RALGAPA1: variants seen among roughly 807,000 people sequenced by gnomAD.
The protein encoded by RALGAPA1 is ral GTPase-activating protein subunit alpha-1.
In RALGAPA1, 52 loss-of-function variants were observed where a neutral mutation model predicts 269.6. The ratio of observed to expected loss-of-function variants is 0.19; its 90% confidence interval spans 0.15 to 0.24. The LOEUF is 0.24. Ranked by LOEUF, RALGAPA1 falls within the 10% of genes least tolerant of loss-of-function variation. The pLI is 1.00. For synonymous variants in RALGAPA1, 817 were observed against 1,008.3 expected (o/e 0.81, Z 3.60); for missense variants, 1,917 against 3,013.9 (o/e 0.64, Z 8.52).
intron 13 of RALGAPA1, among the ~76,000 whole-genome samples, chr14:35,725,850 T>C (rs1018199408): frequency 6.6e-6 from 1 of 152,192 alleles, no homozygotes; most frequent in African/African-American, 2.4e-5. Context: ...CTATTGTTTC[T>C]TTCCACTCTT....
intron 37 of RALGAPA1, among the ~76,000 whole-genome samples, chr14:35,586,666 T>C (rs1443543573): frequency 6.6e-6 from 1 of 152,226 alleles, no homozygotes; most frequent in East Asian, 1.9e-4. Flanking sequence ...TGAAGAGCTG[T>C]TGAATTTTGT....
At chr14:35,773,190 G>A (rs575410896) in intron 3 of RALGAPA1, among the ~76,000 whole-genome samples, 1 of 152,204 alleles carries the variant, frequency 6.6e-6, no homozygotes, top group African/African-American at 2.4e-5. Context: ...AAAGATTAAA[G>A]AGATTACATG....
intron 12 of RALGAPA1, among the ~76,000 whole-genome samples, chr14:35,737,759 CAAAA>C (rs60152249): frequency 5.7e-5 from 1 of 17,418 alleles, no homozygotes; most frequent in Non-Finnish European, 9.3e-5. Context: ...AAATCCATCT[CAAAA>C]AAAAAAAAAA....
intron 24 of RALGAPA1, among the ~76,000 whole-genome samples, chr14:35,673,649 C>T (rs1413607353): frequency 6.6e-6 from 1 of 152,156 alleles, no homozygotes; most frequent in Non-Finnish European, 1.5e-5. Context: ...GGCGCCATCT[C>T]AGCTCACTGC....
At chr14:35,738,419 T>A in intron 12 of RALGAPA1, 94 bp downstream of exon 12, 1 of 870,908 alleles carries the variant, frequency 1.1e-6, no homozygotes, top group Non-Finnish European at 1.6e-6. Context: ...GTGGTGAATT[T>A]ATTATATTGT....
At chr14:35,720,115 T>C (rs1595307138) in intron 16 of RALGAPA1, among the ~76,000 whole-genome samples, 1 of 152,340 alleles carries the variant, frequency 6.6e-6, no homozygotes, top group Admixed American at 6.5e-5. Context: ...AAGGAAGGCA[T>C]TTCAAATATA....
At chr14:35,674,819 AG>A (rs151016274) in intron 22 of RALGAPA1, 110 bp from the exon 23 acceptor site, 10,470 of 564,558 alleles carry the variant, frequency 0.019, 505 homozygotes, top group South Asian at 0.13. Context: ...AATGAATAAA[AG>A]AAATGTCAAC....
chr14:35,611,693 C>T (rs1447172322), intron 35 of RALGAPA1, among the ~76,000 whole-genome samples: 2 of 151,768 alleles, frequency 1.3e-5, no homozygotes, highest in Admixed American at 1.3e-4. Context: ...TCTGATCATG[C>T]CATTGCACTC....
chr14:35,808,754 G>C lies in RALGAPA1; in HGVS notation c.82C>G (p.Leu28Val). The change falls in exon 1 of 42, where the codon CTC becomes GTC. Residue 28 changes from leucine (L) to valine (V), a missense_variant. Transcript: ENST00000680220. Reference protein sequence around the residue: ...LDTKKDALTRLKHLRIVIENA... With the variant: ...LDTKKDALTRVKHLRIVIENA... ...CCGATGACGATGCGCAGGTGCTTGA[G>C]GCGAGTCAGTGCGTCCTTCTTGGTG... 6.2e-7 allele frequency: 1 copy of C among 1,613,318 alleles called. No homozygotes were observed. Among genetic ancestry groups the C allele is most frequent in the Non-Finnish European group, 8.5e-7 (1 of 1,179,732 alleles).
chr14:35,605,787 C>G, intron 35 of RALGAPA1, 78 bp from the exon 36 acceptor site: 1 of 1,500,036 alleles, frequency 6.7e-7, no homozygotes. Flanking sequence ...GTTCTATGTA[C>G]AAAGTATGTA....
Position 35,775,635 on chromosome 14 carries a change from CT to C in RALGAPA1, c.216del (p.Gly73ValfsTer38). 6.4e-7 allele frequency: 1 copy of C among 1,564,304 alleles called. No homozygotes were observed. Among genetic ancestry groups the C allele is most frequent in the Admixed American group, 2.1e-5 (1 of 47,976 alleles). ...FVTIEASLKQ[K>X]GHKSQREELD... ...GCCAAGATATATGTTAGCATCTTAC[CT>C]TTCTGTTTAAGACTAGCTTCAATAG... is the stretch of plus-strand genomic sequence containing the variant. On this transcript the variant is annotated frameshift_variant and splice_region_variant, in exon 2 of 42. Coordinates refer to ENST00000680220, the MANE Select transcript of RALGAPA1 (RefSeq NM_001346249.2). LOFTEE classifies it high-confidence loss of function.
chr14:35,585,647 TC>T (rs1409384527), intron 37 of RALGAPA1, among the ~76,000 whole-genome samples: 2 of 152,220 alleles, frequency 1.3e-5, no homozygotes, highest in African/African-American at 4.8e-5. Flanking sequence ...AAGGAAGGGA[TC>T]CAGTTTCAGC....
chr14:35,650,958 T>TTTTTTTTTTTTTTTTTTTGAGACGGA (rs2062791549), intron 31 of RALGAPA1, among the ~76,000 whole-genome samples: 1 of 151,420 alleles, frequency 6.6e-6, no homozygotes, highest in African/African-American at 2.5e-5. Flanking sequence ...ACATTTTTCA[T>TTTTTTTTTTTTTTTTTTTGAGACGGA]GTGAACTTTA....
At chr14:35,786,858 A>T (rs1328452142) in intron 1 of RALGAPA1, among the ~76,000 whole-genome samples, 4 of 152,206 alleles carry the variant, frequency 2.6e-5, no homozygotes, top group Middle Eastern at 6.3e-3. Context: ...AAAAAAAATC[A>T]TATCAGACGA....
intron 41 of RALGAPA1, chr14:35,542,177 C>A: frequency 2.8e-6 from 1 of 359,974 alleles, no homozygotes; most frequent in Non-Finnish European, 5.1e-6. Context: ...GCTGCATTGT[C>A]CAATGTGGTA....
At chr14:35,755,956 T>G (rs2073125718) in intron 7 of RALGAPA1, among the ~76,000 whole-genome samples, 1 of 152,208 alleles carries the variant, frequency 6.6e-6, no homozygotes, top group Admixed American at 6.5e-5. Flanking sequence ...TAAAGGTGAA[T>G]AGGTTACCTT....
intron 1 of RALGAPA1, among the ~76,000 whole-genome samples, chr14:35,799,060 A>G (rs2076783587): frequency 6.6e-6 from 1 of 152,088 alleles, no homozygotes; most frequent in Admixed American, 6.6e-5. Flanking sequence ...TGGGTATGAG[A>G]CTTTTTATTA....
chr14:35,676,252 A>G (rs1045161464), intron 22 of RALGAPA1: 1 of 151,160 alleles, frequency 6.6e-6, no homozygotes, highest in Non-Finnish European at 1.5e-5. Flanking sequence ...TCTGTTACCC[A>G]GGTTGGAGTA....
rs2064410220 is a variant in RALGAPA1 at position 35,671,323 on chromosome 14, T to C, written c.5202+66A>G. ...TCCTGATTATCAGCTTGTTATGTTT[T>C]ATCAACTTTGTTAGTTGAATCCTGG... On this transcript the variant is annotated intron_variant, in intron 26 of 41. Coordinates refer to ENST00000680220, the MANE Select transcript of RALGAPA1 (RefSeq NM_001346249.2). 4.3e-6 allele frequency: 6 copies of C among 1,391,052 alleles called. No homozygotes were observed. The South Asian group carries it at 1.0e-4, about 23-fold the overall frequency. 86.2% of individuals were successfully genotyped at this position (1,391,052 alleles called of 1,614,324 possible).
Sources: allele counts gnomAD v4.1 joint callset (sites outside exome capture counted in the v4.1 genomes callset), GRCh38; gene constraint gnomAD v4.1.1; transcripts MANE v1.5; gene names NCBI Gene and HGNC (gene_info 2026-07-23, HGNC 2026-07-21).